The following FBXL7 variants were observed in gnomAD, a reference collection of about 807,000 sequenced individuals.
FBXL7 encodes the protein F-box/LRR-repeat protein 7.
FBXL7 carries 12 observed loss-of-function variants against 38.3 expected under a neutral mutation model. That is an observed-to-expected ratio of 0.31 (90% CI 0.20 to 0.51). The LOEUF is 0.51. Among genes scored for constraint, FBXL7 ranks in the 20% least tolerant of loss-of-function variants. The pLI is 0.98. For missense variants in FBXL7, 567 were observed against 676.4 expected (o/e 0.84, Z 1.79); for synonymous variants, 297 against 300.9 (o/e 0.99, Z 0.13).
chr5:15,548,951 G>A (rs189711722), intron 1 of FBXL7, among the ~76,000 whole-genome samples: 227 of 152,276 alleles, frequency 1.5e-3, no homozygotes, highest in Middle Eastern at 3.4e-3. Flanking sequence ...AATTTACATT[G>A]CCATGGTGAA....
chr5:15,638,384 T>G lies in FBXL7; in HGVS notation c.127+22312T>G, dbSNP rs564547811. On this transcript the variant is annotated intron_variant, in intron 2 of 3. Coordinates refer to ENST00000504595, the MANE Select transcript of FBXL7 (RefSeq NM_012304.5). ...GGTCATTTATCCCCAGGCTATTCAG[T>G]GTGGGATCTGGGATCAGCAGCATCC... Among the ~76,000 whole-genome samples, 3 of 152,290 alleles carry G rather than the reference T, an allele frequency of 2.0e-5. No individual in the cohort carries two copies. In the East Asian group the frequency reaches 5.8e-4, roughly 29 times the overall value.
chr5:15,912,572 A>T (rs895757947), intron 2 of FBXL7, among the ~76,000 whole-genome samples: 1 of 152,134 alleles, frequency 6.6e-6, no homozygotes, highest in African/African-American at 2.4e-5. Context: ...AGGATTTTCC[A>T]CAAGTATTTC....
In FBXL7 at chr5:15,500,461, C is replaced by G. The variant is rs1311606266; in HGVS notation, c.-216C>G. 1.8e-5 allele frequency: 11 copies of G among 612,624 alleles called. No homozygotes were observed. The highest frequency in any genetic ancestry group is 3.1e-5 in the Non-Finnish European group (11 of 349,912). 37.9% of individuals were successfully genotyped at this position (612,624 alleles called of 1,614,324 possible). A position where few individuals can be genotyped will look rare whatever the true frequency, so the allele number is the denominator to read the frequency against. On this transcript the variant is annotated 5_prime_UTR_variant, in exon 1 of 4. Coordinates refer to ENST00000504595, the MANE Select transcript of FBXL7 (RefSeq NM_012304.5). ...GGATTGTAAGTGCTGCAGCTGTGCC[C>G]GGCCCCGCCTGGAGCCACCGGGGGT...
At chr5:15,792,641 G>A (rs73752318) in intron 2 of FBXL7, among the ~76,000 whole-genome samples, 11,168 of 152,212 alleles carry the variant, frequency 0.073, 434 homozygotes, top group Middle Eastern at 0.12. Flanking sequence ...GAAGGCGTCC[G>A]GCTTTCTCCA....
At chr5:15,529,973 G>T (rs573247274) in intron 1 of FBXL7, among the ~76,000 whole-genome samples, 1 of 152,292 alleles carries the variant, frequency 6.6e-6, no homozygotes, top group African/African-American at 2.4e-5. Flanking sequence ...AACCAAGGAA[G>T]TGTATATTGA....
At chr5:15,541,443 G>GTGTGTGTATA (rs1264820921) in intron 1 of FBXL7, among the ~76,000 whole-genome samples, 1 of 38,426 alleles carries the variant, frequency 2.6e-5, no homozygotes, top group African/African-American at 9.4e-5. Context: ...GTGTGTGTGT[G>GTGTGTGTATA]TATATATATA....
chr5:15,744,590 G>A (rs1735968546), intron 2 of FBXL7, among the ~76,000 whole-genome samples: 1 of 152,138 alleles, frequency 6.6e-6, no homozygotes, highest in Non-Finnish European at 1.5e-5. Context: ...GTCTTCTTCT[G>A]AGCCCTCCAA....
intron 2 of FBXL7, among the ~76,000 whole-genome samples, chr5:15,745,927 C>G (rs1736003430): frequency 6.6e-6 from 1 of 152,150 alleles, no homozygotes; most frequent in African/African-American, 2.4e-5. Flanking sequence ...CTCTCATGGT[C>G]AAGCTTAGCA....
At chr5:15,710,189 G>A (rs4374756) in intron 2 of FBXL7, among the ~76,000 whole-genome samples, 80,211 of 151,954 alleles carry the variant, frequency 0.53, 21,415 homozygotes, top group East Asian at 0.68. Context: ...ATGCCTCAGA[G>A]TAGAGGCAAT....
At chr5:15,887,492 A>G (rs2126362032) in intron 2 of FBXL7, among the ~76,000 whole-genome samples, 1 of 152,378 alleles carries the variant, frequency 6.6e-6, no homozygotes, top group Non-Finnish European at 1.5e-5. Flanking sequence ...ATGGGATTTA[A>G]GTCTGAGAAA....
chr5:15,550,201 TTC>T (rs1738022266), intron 1 of FBXL7, among the ~76,000 whole-genome samples: 1 of 152,232 alleles, frequency 6.6e-6, no homozygotes, highest in African/African-American at 2.4e-5. Flanking sequence ...GGCAGGACTT[TTC>T]GAAAGCAACT....
intron 2 of FBXL7, among the ~76,000 whole-genome samples, chr5:15,789,753 ATGGCTG>A (rs1414048102): frequency 6.6e-6 from 1 of 152,118 alleles, no homozygotes; most frequent in Non-Finnish European, 1.5e-5. Context: ...CTCTGTTCCT[ATGGCTG>A]TGGCCAGCTC....
At chr5:15,836,714 G>A (rs1309417667) in intron 2 of FBXL7, among the ~76,000 whole-genome samples, 1 of 152,182 alleles carries the variant, frequency 6.6e-6, no homozygotes, top group East Asian at 1.9e-4. Flanking sequence ...GTGTGATGCA[G>A]TATGCCCCAT....
chr5:15,839,428 T>C (rs1738681810), intron 2 of FBXL7, among the ~76,000 whole-genome samples: 1 of 152,122 alleles, frequency 6.6e-6, no homozygotes, highest in African/African-American at 2.4e-5. Flanking sequence ...AATATAGCAA[T>C]CTATCTGATT....
chr5:15,600,853 C>T (rs1739768040), intron 1 of FBXL7, among the ~76,000 whole-genome samples: 1 of 152,126 alleles, frequency 6.6e-6, no homozygotes, highest in Non-Finnish European at 1.5e-5. Flanking sequence ...CAATGAGTGA[C>T]AGTAAGGCAC....
chr5:15,754,976 T>C (rs1424742136), intron 2 of FBXL7, among the ~76,000 whole-genome samples: 1 of 152,180 alleles, frequency 6.6e-6, no homozygotes, highest in Non-Finnish European at 1.5e-5. Flanking sequence ...TTGGAACTAT[T>C]TTTAGTTGTG....
chr5:15,562,414 G>T (rs1177443315), intron 1 of FBXL7, among the ~76,000 whole-genome samples: 1 of 151,976 alleles, frequency 6.6e-6, no homozygotes, highest in African/African-American at 2.4e-5. Context: ...TAACTCAATG[G>T]CAAAAAGAAA....
At chr5:15,798,936 A>G (rs1377412595) in intron 2 of FBXL7, among the ~76,000 whole-genome samples, 6 of 152,226 alleles carry the variant, frequency 3.9e-5, no homozygotes, top group South Asian at 2.1e-4. Flanking sequence ...ATGCAGTGCA[A>G]TGATATCCAG....
Position 15,595,419 on chromosome 5 carries a change from G to A in FBXL7, c.38-20564G>A, listed in dbSNP as rs138759468. ...ATTGCAGGCAGACCAGATCGGCTGA[G>A]GTACAGGGAGGAAAGAAGCACCTGG... On this transcript the variant is annotated intron_variant, in intron 1 of 3. Transcript: ENST00000504595. Among the ~76,000 whole-genome samples the A allele has an allele frequency of 4.7e-3, 723 of 152,234 alleles. 5 individuals carry two copies. The highest frequency in any genetic ancestry group is 0.017 in the African/African-American group (703 of 41,558).
Sources: allele counts gnomAD v4.1 joint callset (sites outside exome capture counted in the v4.1 genomes callset), GRCh38; gene constraint gnomAD v4.1.1; transcripts MANE v1.5; gene names NCBI Gene and HGNC (gene_info 2026-07-23, HGNC 2026-07-21).